The following TRMT2A variants were observed in gnomAD, a reference collection of about 807,000 sequenced individuals.
The protein encoded by TRMT2A is tRNA methyltransferase 2A, also known as tRNA (uracil-5-)-methyltransferase homolog A.
In TRMT2A, 60 loss-of-function variants were observed where a neutral mutation model predicts 59.3. The ratio of observed to expected loss-of-function variants is 1.01; its 90% CI spans 0.82 to 1.26. The LOEUF (loss-of-function observed/expected upper bound fraction) is 1.26. TRMT2A is among the 50% of genes most tolerant of loss of function. TRMT2A has a pLI of 0.00. For missense variants in TRMT2A, 863 were observed against 845.2 expected, an observed-to-expected ratio of 1.02 and a Z score of -0.26; for synonymous variants, 403 against 353.7, an observed-to-expected ratio of 1.14 and a Z score of -1.56.
rs561514240 is a variant in TRMT2A at position 20,113,317 on chromosome 22, C to A, written c.1433-83G>T. On this transcript the variant is annotated intron_variant, in intron 9 of 11. Coordinates refer to ENST00000252136, the MANE Select transcript of TRMT2A (RefSeq NM_022727.6). ...CCCTGGGGAACCCCTAGCCAAAGAG[C>A]TTGCTCACTTGCTCTACCTGTCGGG... 2.0e-4 allele frequency: 299 copies of A among 1,506,724 alleles called. 1 individual carries two copies. In the South Asian group the frequency reaches 3.6e-3, roughly 18 times the overall value. The allele number at this position is 1,506,724 out of a possible 1,614,324, so 93.3% of individuals were successfully genotyped here.
chr22:20,114,947 C>G lies in TRMT2A; in HGVS notation c.1005+18G>C, dbSNP rs940907251. On this transcript the variant is annotated intron_variant, in intron 5 of 11. Coordinates refer to ENST00000252136, the MANE Select transcript of TRMT2A (RefSeq NM_022727.6). ...ACCTAGGCTAGGCACCCTCCCCCAG[C>G]AGGGCCCCCGTTGAGACCTGGGGGT... 6.3e-7 allele frequency: 1 copy of G among 1,575,502 alleles called. No individual in the cohort carries two copies. The highest frequency in any genetic ancestry group is 8.6e-7 in the Non-Finnish European group (1 of 1,161,404).
In TRMT2A at chr22:20,112,460, T is replaced by TG; in HGVS notation, c.*102_*103insC. On this transcript the variant is annotated 3_prime_UTR_variant, in exon 12 of 12. Transcript: ENST00000252136. ...TGGTGGGGCACAGGGTTCTGTGCCC[T>TG]TTGGCTGCCTACCTCTGAATATCCT... The TG allele has an allele frequency of 2.1e-6, 3 of 1,414,864 alleles. No homozygotes were observed. The highest frequency in any genetic ancestry group is 2.8e-6 in the Non-Finnish European group (3 of 1,057,790). 87.6% of individuals were successfully genotyped at this position (1,414,864 alleles called of 1,614,324 possible). A position where few individuals can be genotyped will look rare whatever the true frequency, so the allele number is the denominator to read the frequency against.
At position 20,112,566 on chromosome 22, in the gene TRMT2A, G is replaced by A; in HGVS notation, c.1875C>T (p.Ser625=). ...TLQETGTFPS[S] The stretch of plus-strand genomic sequence containing the variant: ...GTCCCCATAATGGGTCCTGGGCCTA[G>A]GATGAGGGGAAGGTCCCAGTTTCTT... Residue 625 remains serine, a synonymous_variant, in exon 12 of 12, where the codon TCC becomes TCT. Coordinates refer to ENST00000252136, the MANE Select transcript of TRMT2A (RefSeq NM_022727.6). 2 of 1,613,792 alleles carry A rather than the reference G, an allele frequency of 1.2e-6. No individual in the cohort carries two copies. The highest frequency in any genetic ancestry group is 1.3e-5 in the African/African-American group (1 of 75,060).
At position 20,116,452 on chromosome 22, in the gene TRMT2A, T is replaced by G. The variant is rs752310959; in HGVS notation, c.185A>C (p.Tyr62Ser). Residue 62 changes from tyrosine to serine, a missense_variant, in exon 2 of 12, where the codon TAC becomes TCC. By Grantham distance (144) the Tyr-to-Ser change is moderately radical (BLOSUM62 -2). Coordinates refer to ENST00000252136, the MANE Select transcript of TRMT2A (RefSeq NM_022727.6). ...GPGPQPGLYS[Y>S]IRDDLFTSEI... ...AGAGGTAAACAAGTCATCCCTGATG[T>G]AGCTGTAGAGCCCGGGCTGAGGCCC... The G allele has an allele frequency of 5.0e-6, 8 of 1,612,732 alleles. 1 individual carries two copies. The South Asian group carries it at 7.7e-5, about 15-fold the overall frequency.
intron 9 of TRMT2A, 26 bp from the exon 10 acceptor site, chr22:20,113,260 CA>C (rs779659728): frequency 6.6e-7 from 1 of 1,525,890 alleles, no homozygotes; most frequent in Admixed American, 2.0e-5. Context: ...CGTGGCCTGT[CA>C]GAGGGCCACA....
chr22:20,116,102 G>C lies in TRMT2A; in HGVS notation c.535C>G (p.Pro179Ala), dbSNP rs776156309. Residue 179 changes from proline (P) to alanine (A), a missense_variant, in exon 2 of 12, where the codon CCC (proline) becomes GCC (alanine). By Grantham distance (27) the Pro-to-Ala change is conservative. Transcript: ENST00000252136. ...ADVVTPLWTVPYAEQLERKQL... is the reference protein window; with the variant it reads ...ADVVTPLWTVAYAEQLERKQL... ...TTCCGCTCAAGCTGCTCAGCATAGG[G>C]CACTGTCCATAGAGGGGTCACCACG... 6.2e-7 allele frequency: 1 copy of C among 1,607,498 alleles called. No individual in the cohort carries two copies. The highest frequency in any genetic ancestry group is 1.1e-5 in the South Asian group (1 of 90,744).
At position 20,113,137 on chromosome 22, in the gene TRMT2A, G is replaced by A. The variant is rs1337038338; in HGVS notation, c.1530C>T (p.Asp510=). Residue 510 remains aspartate (D), a synonymous_variant, in exon 10 of 12, where the codon GAC becomes GAT. Coordinates refer to ENST00000252136, the MANE Select transcript of TRMT2A (RefSeq NM_022727.6). ...ACTCACGCAAGCCAGCACGGGGTGGGTCCAGGATGGCCACGAGGTGCTGGG... is the reference window on the plus strand; with the variant it reads ...ACTCACGCAAGCCAGCACGGGGTGGATCCAGGATGGCCACGAGGTGCTGGG... ...LASQHLVAIL[D]PPRAGLHSKV... is the part of the protein sequence containing the mutation. 1 of 1,602,584 alleles carries A rather than the reference G, an allele frequency of 6.2e-7. No individual in the cohort carries two copies. The highest frequency in any genetic ancestry group is 1.1e-5 in the South Asian group (1 of 89,828).
chr22:20,113,007 T>A lies in TRMT2A; in HGVS notation c.1550A>T (p.His517Leu). ...AILDPPRAGL[H>L]SKVILAIRRA... ...CCGGATGGCCAGGATCACCTTGGAATCTGAGGAGGCAAACACCAGCTGGGT... is the reference window on the plus strand; with the variant it reads ...CCGGATGGCCAGGATCACCTTGGAAACTGAGGAGGCAAACACCAGCTGGGT... The change falls in exon 11 of 12, where the codon CAT becomes CTT. Residue 517 changes from histidine to leucine, a missense_variant and splice_region_variant. Physicochemically the swap from His to Leu is moderately conservative, Grantham distance 99 (BLOSUM62 -3). Transcript: ENST00000252136. The A allele has an allele frequency of 6.2e-7, 1 of 1,613,686 alleles. No individual in the cohort carries two copies. Among genetic ancestry groups the A allele is most frequent in the Non-Finnish European group, 8.5e-7 (1 of 1,180,000 alleles).
At chr22:20,115,946 T>TG in intron 2 of TRMT2A, 92 bp downstream of exon 2, 1 of 1,463,814 alleles carries the variant, frequency 6.8e-7, no homozygotes, top group Non-Finnish European at 9.2e-7. Context: ...CCAGATCCTG[T>TG]GCTGGGCCTC....
In TRMT2A at chr22:20,116,923, C is replaced by T; in HGVS notation, c.-17G>A. 6.3e-7 allele frequency: 1 copy of T among 1,590,960 alleles called. No homozygotes were observed. Among genetic ancestry groups the T allele is most frequent in the Non-Finnish European group, 8.6e-7 (1 of 1,168,656 alleles). On this transcript the variant is annotated 5_prime_UTR_variant, in exon 1 of 12. Transcript: ENST00000252136. ...CTCACTCATCGCCCAGGCGGTTCTCCGCCTAGACCAGGGACGCCATGGGGG... is the reference window on the plus strand; with the variant it reads ...CTCACTCATCGCCCAGGCGGTTCTCTGCCTAGACCAGGGACGCCATGGGGG...
Position 20,115,295 on chromosome 22 carries a change from C to G in TRMT2A, c.861G>C (p.Gln287His). The G allele has an allele frequency of 6.2e-7, 1 of 1,612,808 alleles. No individual in the cohort carries two copies. Among genetic ancestry groups the G allele is most frequent in the Non-Finnish European group, 8.5e-7 (1 of 1,179,816 alleles). Residue 287 changes from glutamine (Q) to histidine (H), a missense_variant, in exon 4 of 12, where the codon CAG becomes CAC. Coordinates refer to ENST00000252136, the MANE Select transcript of TRMT2A (RefSeq NM_022727.6). Reference sequence around the variant, plus strand: ...TGAACTCCTGGAAGGCCTTCACCACCTGCTTGGTGGCTTCGGGGATGTGCA... The same window carrying G: ...TGAACTCCTGGAAGGCCTTCACCACGTGCTTGGTGGCTTCGGGGATGTGCA... ...DTVHIPEATK[Q>H]VVKAFQEFIR...
chr22:20,115,993 C>T (rs377545467), intron 2 of TRMT2A, 45 bp downstream of exon 2: 19 of 1,518,858 alleles, frequency 1.3e-5, no homozygotes, highest in African/African-American at 6.9e-5. Context: ...AAGCACAGGC[C>T]GGGCAGAGCC....
Position 20,112,750 on chromosome 22 carries a change from C to T in TRMT2A, c.1691G>A (p.Arg564Gln), listed in dbSNP as rs183393936. The stretch of plus-strand genomic sequence containing the variant: ...GTCCACTGCCACAGCCTTGACCGGC[C>T]GGAAGGGAATGCCCTTCACCCGGTT... ...PSNRVKGIPF[R>Q]PVKAVAVDLF... Residue 564 changes from arginine (R) to glutamine (Q), a missense_variant, in exon 12 of 12, where the codon CGG becomes CAG. Physicochemically the swap from Arg to Gln is conservative, Grantham distance 43 (BLOSUM62 1). Transcript: ENST00000252136. The T allele has an allele frequency of 4.3e-5, 70 of 1,613,562 alleles. No homozygotes were observed. The highest frequency in any genetic ancestry group is 1.4e-4 in the South Asian group (13 of 91,088).
In TRMT2A at chr22:20,113,143, G is replaced by T. The variant is rs141665683; in HGVS notation, c.1524C>A (p.Ile508=). 3 of 1,602,298 alleles carry T rather than the reference G, an allele frequency of 1.9e-6. No homozygotes were observed. Among genetic ancestry groups the T allele is most frequent in the African/African-American group, 2.7e-5 (2 of 74,800 alleles). The part of the protein sequence containing the change: ...SRLASQHLVA[I]LDPPRAGLHS... ...GCAAGCCAGCACGGGGTGGGTCCAG[G>T]ATGGCCACGAGGTGCTGGGAGGCCA... is the stretch of plus-strand genomic sequence containing the variant. The change falls in exon 10 of 12, where the codon ATC becomes ATA. Residue 508 remains isoleucine, a synonymous_variant. Transcript: ENST00000252136.
Position 20,112,400 on chromosome 22 carries a change from G to T in TRMT2A, c.*163C>A. On this transcript the variant is annotated 3_prime_UTR_variant, in exon 12 of 12. Coordinates refer to ENST00000252136, the MANE Select transcript of TRMT2A (RefSeq NM_022727.6). ...CTACAGGAACCCACCTGTCTTCCTG[G>T]TCAGGGCCCCTGGCCCCTAGCAGCA... is the stretch of plus-strand genomic sequence containing the variant. 1 of 938,034 alleles carries T rather than the reference G, an allele frequency of 1.1e-6. No homozygotes were observed. Among genetic ancestry groups the T allele is most frequent in the Non-Finnish European group, 1.6e-6 (1 of 636,270 alleles). 58.1% of individuals were successfully genotyped at this position (938,034 alleles called of 1,614,324 possible). A position where few individuals can be genotyped will look rare whatever the true frequency, so the allele number is the denominator to read the frequency against.
At position 20,115,068 on chromosome 22, in the gene TRMT2A, T is replaced by C. The variant is rs1305874437; in HGVS notation, c.902A>G (p.Tyr301Cys). 6.3e-7 allele frequency: 1 copy of C among 1,592,016 alleles called. No homozygotes were observed. The highest frequency in any genetic ancestry group is 1.8e-5 in the Admixed American group (1 of 56,874). The stretch of plus-strand genomic sequence containing the variant: ...GTACGTCTCTGGGTCGTATGCCGAG[T>C]ATGGAGTGGACCTGTGGGAATCACG... ...AFQEFIRSTP[Y>C]SAYDPETYTG... The change falls in exon 5 of 12, where the codon TAC (tyrosine) becomes TGC (cysteine). Residue 301 changes from tyrosine (Y) to cysteine (C), a missense_variant. Transcript: ENST00000252136.
In TRMT2A at chr22:20,116,188, G is replaced by C; in HGVS notation, c.449C>G (p.Pro150Arg). 6.2e-7 allele frequency: 1 copy of C among 1,613,080 alleles called. No individual in the cohort carries two copies. The highest frequency in any genetic ancestry group is 8.5e-7 in the Non-Finnish European group (1 of 1,179,984). ...CTCCTGTCGCCTCCTCCTGGCCATG[G>C]GGTCGGCCTTGGGCCGGGCCAGGCG... ...SVRLARPKAD[P>R]MARRRRQEGE... Residue 150 changes from proline (P) to arginine (R), a missense_variant, in exon 2 of 12, where the codon CCC becomes CGC. By Grantham distance (103) the Pro-to-Arg change is moderately radical. Coordinates refer to ENST00000252136, the MANE Select transcript of TRMT2A (RefSeq NM_022727.6).
In TRMT2A at chr22:20,116,998, C is replaced by T; in HGVS notation, c.-92G>A. 3 of 1,483,872 alleles carry T rather than the reference C, an allele frequency of 2.0e-6. No homozygotes were observed. The highest frequency in any genetic ancestry group is 2.8e-6 in the Non-Finnish European group (3 of 1,089,938). 91.9% of individuals were successfully genotyped at this position (1,483,872 alleles called of 1,614,324 possible). A position where few individuals can be genotyped will look rare whatever the true frequency, so the allele number is the denominator to read the frequency against. On this transcript the variant is annotated 5_prime_UTR_variant, in exon 1 of 12. The change creates a new upstream start codon in the 5' untranslated region. Coordinates refer to ENST00000252136, the MANE Select transcript of TRMT2A (RefSeq NM_022727.6). The stretch of plus-strand genomic sequence containing the variant: ...CTGTCACAAGGGAAGTGGCCTGTCA[C>T]AAGGGAAGTGCTCAGAGGGGAGGTG...
Position 20,112,139 on chromosome 22 carries a change from CAAGTTT to C in TRMT2A, c.*418_*423del. The C allele has an allele frequency of 5.6e-6, 1 of 180,130 alleles. No individual in the cohort carries two copies. The allele number at this position is 180,130 out of a possible 1,614,324, so 11.2% of individuals were successfully genotyped here. On this transcript the variant is annotated 3_prime_UTR_variant, in exon 12 of 12. Transcript: ENST00000252136. Reference sequence around the variant, plus strand: ...TCCCAGACCTCTCTCTGCCTCTCCTCAAGTTTAAGTATCAAATCGAACATTCTTTTT... The same window carrying C: ...TCCCAGACCTCTCTCTGCCTCTCCTCAAGTATCAAATCGAACATTCTTTTT...
Sources: gnomAD v4.1 joint callset for allele counts on GRCh38, gnomAD v4.1.1 for gene constraint, MANE v1.5 for transcripts, NCBI Gene and HGNC (gene_info 2026-07-23, HGNC 2026-07-21) for gene names.